The following GPC5 variants were observed in gnomAD, a reference collection of about 807,000 sequenced individuals.
GPC5 encodes glypican 5, also known as glypican-5.
A neutral mutation model predicts 53.9 loss-of-function variants in GPC5; 47 were observed. That is an observed-to-expected ratio of 0.87 (90% confidence interval 0.69 to 1.11). GPC5 has a LOEUF of 1.11. GPC5 is among the 50% of genes most tolerant of loss of function. The probability of loss-of-function intolerance (pLI) is 0.00; values close to 1 mark genes in which losing one functional copy is unlikely to be tolerated. For missense variants in GPC5, 748 were observed against 713.1 expected, an observed-to-expected ratio of 1.05 and a Z score of -0.56; for synonymous variants, 286 against 263.3, an observed-to-expected ratio of 1.09 and a Z score of -0.84.
chr13:91,461,996 T>C (rs1166292667), intron 2 of GPC5, among the ~76,000 whole-genome samples: 1 of 152,152 alleles, frequency 6.6e-6, no homozygotes, highest in Non-Finnish European at 1.5e-5. Flanking sequence ...AAAGCAGACT[T>C]TTCTGCTGCC....
chr13:92,205,995 T>A (rs2042331613), intron 7 of GPC5, among the ~76,000 whole-genome samples: 1 of 127,368 alleles, frequency 7.9e-6, no homozygotes, highest in Non-Finnish European at 1.6e-5. Context: ...TGAGCAGAGA[T>A]CGCACCACTG....
intron 7 of GPC5, among the ~76,000 whole-genome samples, chr13:92,206,154 T>A (rs1566484636): frequency 3.0e-5 from 2 of 66,518 alleles, no homozygotes; most frequent in East Asian, 4.6e-4. Flanking sequence ...GTGTTTTTTT[T>A]ATTTTTTTTT....
At chr13:91,620,527 A>G (rs892597904) in intron 2 of GPC5, among the ~76,000 whole-genome samples, 2 of 152,138 alleles carry the variant, frequency 1.3e-5, no homozygotes, top group Non-Finnish European at 2.9e-5. Flanking sequence ...ATGGCAACCA[A>G]TCTGTTCTGC....
At chr13:92,200,408 A>G (rs2042286005) in intron 7 of GPC5, among the ~76,000 whole-genome samples, 1 of 152,190 alleles carries the variant, frequency 6.6e-6, no homozygotes, top group Non-Finnish European at 1.5e-5. Context: ...TGTGTTAGCC[A>G]GAGCTCTTTT....
intron 7 of GPC5, among the ~76,000 whole-genome samples, chr13:92,311,353 C>T (rs1312359982): frequency 6.6e-6 from 1 of 152,104 alleles, no homozygotes; most frequent in Admixed American, 6.5e-5. Flanking sequence ...TTGGGCTCAT[C>T]TTCTGCTAGA....
intron 7 of GPC5, among the ~76,000 whole-genome samples, chr13:92,366,242 C>T (rs2043606706): frequency 6.6e-6 from 1 of 151,748 alleles, no homozygotes; most frequent in Non-Finnish European, 1.5e-5. Flanking sequence ...TTACAAAAGA[C>T]AACAAGTAAA....
chr13:92,028,598 G>A (rs1263189300), intron 6 of GPC5, among the ~76,000 whole-genome samples: 3 of 152,102 alleles, frequency 2.0e-5, no homozygotes, highest in Middle Eastern at 6.8e-3. Flanking sequence ...ATTTGGCTTC[G>A]GATTTCAGCC....
chr13:92,575,705 C>T (rs749391642), intron 7 of GPC5, among the ~76,000 whole-genome samples: 44 of 152,144 alleles, frequency 2.9e-4, no homozygotes, highest in Non-Finnish European at 5.7e-4. Context: ...CTCAGCACTG[C>T]TGTGTCTTTA....
intron 6 of GPC5, among the ~76,000 whole-genome samples, chr13:92,108,001 C>G (rs1171258194): frequency 6.6e-6 from 1 of 152,162 alleles, no homozygotes; most frequent in Admixed American, 6.5e-5. Context: ...ATTATATAAT[C>G]TTCCCTCCAA....
At chr13:92,058,461 C>T (rs1393765573) in intron 6 of GPC5, among the ~76,000 whole-genome samples, 1 of 152,248 alleles carries the variant, frequency 6.6e-6, no homozygotes, top group Non-Finnish European at 1.5e-5. Flanking sequence ...CAACATCCCA[C>T]ACCAGAGTGG....
At chr13:92,464,711 A>G (rs1009833660) in intron 7 of GPC5, among the ~76,000 whole-genome samples, 1 of 152,046 alleles carries the variant, frequency 6.6e-6, no homozygotes, top group Non-Finnish European at 1.5e-5. Context: ...TATTAATAGA[A>G]ATAGAAACTT....
chr13:92,230,512 T>C (rs2042522152), intron 7 of GPC5, among the ~76,000 whole-genome samples: 2 of 152,172 alleles, frequency 1.3e-5, no homozygotes, highest in Non-Finnish European at 2.9e-5. Flanking sequence ...AATCTACTTC[T>C]TGACAAATTT....
chr13:92,851,108 G>T (rs533129947), intron 7 of GPC5, among the ~76,000 whole-genome samples: 14 of 152,182 alleles, frequency 9.2e-5, no homozygotes, highest in South Asian at 2.1e-4. Context: ...AGAGAAGGGG[G>T]AGGTGCTACA....
At chr13:91,591,988 T>C (rs868850625) in intron 2 of GPC5, among the ~76,000 whole-genome samples, 56 of 152,230 alleles carry the variant, frequency 3.7e-4, no homozygotes, top group African/African-American at 1.3e-3. Flanking sequence ...GCTAGTGGAC[T>C]TCTTTGGAGG....
intron 2 of GPC5, among the ~76,000 whole-genome samples, chr13:91,622,141 G>C (rs2033878697): frequency 6.6e-6 from 1 of 152,066 alleles, no homozygotes; most frequent in Admixed American, 6.6e-5. Flanking sequence ...TGCTTACCCA[G>C]ATTGAGGGTA....
intron 7 of GPC5, among the ~76,000 whole-genome samples, chr13:92,177,783 G>C (rs1162804941): frequency 3.3e-5 from 5 of 152,144 alleles, no homozygotes; most frequent in African/African-American, 1.2e-4. Flanking sequence ...GAGAAGACTA[G>C]TGACAGAATA....
intron 7 of GPC5, among the ~76,000 whole-genome samples, chr13:92,364,189 A>T (rs2043590256): frequency 6.6e-6 from 1 of 151,790 alleles, no homozygotes; most frequent in African/African-American, 2.4e-5. Context: ...GGTTTATCTG[A>T]ATATATACTA....
intron 1 of GPC5, among the ~76,000 whole-genome samples, chr13:91,433,830 G>A (rs1480365268): frequency 1.3e-5 from 2 of 151,960 alleles, no homozygotes; most frequent in African/African-American, 4.8e-5. Flanking sequence ...GTGTAAAAGT[G>A]TTCCTATTTC....
At chr13:92,354,077 C>T (rs1010748028) in intron 7 of GPC5, among the ~76,000 whole-genome samples, 7 of 152,086 alleles carry the variant, frequency 4.6e-5, no homozygotes, top group African/African-American at 1.7e-4. Flanking sequence ...GTCTTGTTAC[C>T]AACATTTTAA....
Sources: allele counts gnomAD v4.1 joint callset (sites outside exome capture counted in the v4.1 genomes callset), GRCh38; gene constraint gnomAD v4.1.1; transcripts MANE v1.5; gene names NCBI Gene and HGNC (gene_info 2026-07-23, HGNC 2026-07-21).